DLGAP2: variants seen among roughly 807,000 people sequenced by gnomAD.
DLGAP2 encodes the protein DLG associated protein 2, also known as disks large-associated protein 2.
Under a neutral mutation model 100.3 loss-of-function variants are expected in DLGAP2, and 26 were observed. The ratio of observed to expected loss-of-function variants is 0.26; its 90% CI spans 0.19 to 0.36. DLGAP2 has a LOEUF of 0.36. Among genes scored for constraint, DLGAP2 ranks in the 10% least tolerant of loss-of-function variants. DLGAP2 has a pLI of 1.00. For missense variants in DLGAP2, 1,858 were observed against 1,453.2 expected, an observed-to-expected ratio of 1.28 and a Z score of -4.53; for synonymous variants, 886 against 630.1, an observed-to-expected ratio of 1.41 and a Z score of -6.08.
intron 3 of DLGAP2, among the ~76,000 whole-genome samples, chr8:1,352,931 T>C (rs722524): frequency 0.91 from 137,804 of 152,210 alleles, 62,484 homozygotes; most frequent in East Asian, 1. Flanking sequence ...AGCCTGCCAT[T>C]GGGGTGCTCT....
intron 1 of DLGAP2, among the ~76,000 whole-genome samples, chr8:802,178 T>A (rs55685317): frequency 2.0e-5 from 1 of 49,264 alleles, no homozygotes; most frequent in African/African-American, 9.8e-5. Flanking sequence ...TCTGTCCTCA[T>A]GGCCTGGGGA....
chr8:852,809 A>G (rs560326855), intron 1 of DLGAP2, among the ~76,000 whole-genome samples: 2 of 152,342 alleles, frequency 1.3e-5, no homozygotes, highest in Admixed American at 6.5e-5. Context: ...CTGAATGACA[A>G]CGTCCTTGAT....
At chr8:1,137,774 C>A (rs1272806780) in intron 2 of DLGAP2, 1 of 152,190 alleles carries the variant, frequency 6.6e-6, no homozygotes, top group Admixed American at 6.5e-5. Context: ...CAGTTACAAC[C>A]TGGTTCCCAG....
chr8:1,276,629 G>A (rs1799703261), intron 3 of DLGAP2, among the ~76,000 whole-genome samples: 1 of 150,380 alleles, frequency 6.6e-6, no homozygotes, highest in African/African-American at 2.4e-5. Flanking sequence ...TCTTGTGTCG[G>A]TGCTTTGACT....
At chr8:1,280,972 G>A (rs1799802775) in intron 3 of DLGAP2, among the ~76,000 whole-genome samples, 1 of 152,234 alleles carries the variant, frequency 6.6e-6, no homozygotes, top group Non-Finnish European at 1.5e-5. Flanking sequence ...CCAGCTGGAT[G>A]TGGACGAGGA....
intron 3 of DLGAP2, among the ~76,000 whole-genome samples, chr8:1,339,656 C>G (rs1266730731): frequency 1.3e-5 from 2 of 152,182 alleles, no homozygotes; most frequent in East Asian, 3.9e-4. Flanking sequence ...CCTGTGCATT[C>G]TTTTGGCCAT....
chr8:879,179 C>G (rs567588450), intron 1 of DLGAP2, among the ~76,000 whole-genome samples: 29 of 152,280 alleles, frequency 1.9e-4, no homozygotes, highest in Non-Finnish European at 2.6e-4. Context: ...TTGGGTTGGA[C>G]CAGTTTATTC....
At chr8:1,476,373 T>A (rs1008520602) in intron 3 of DLGAP2, among the ~76,000 whole-genome samples, 1 of 152,172 alleles carries the variant, frequency 6.6e-6, no homozygotes, top group African/African-American at 2.4e-5. Flanking sequence ...CATCACAAAG[T>A]AAATCTATTC....
At chr8:983,961 G>A (rs7018425) in intron 2 of DLGAP2, among the ~76,000 whole-genome samples, 14,135 of 152,146 alleles carry the variant, frequency 0.093, 746 homozygotes, top group Admixed American at 0.14. Context: ...GCTAATGCCC[G>A]GTGTGGTGCC....
chr8:1,523,775 T>C (rs953982141), intron 4 of DLGAP2, among the ~76,000 whole-genome samples: 1 of 152,186 alleles, frequency 6.6e-6, no homozygotes, highest in African/African-American at 2.4e-5. Context: ...AAAGACAAGC[T>C]CCCGAGGGCC....
intron 3 of DLGAP2, among the ~76,000 whole-genome samples, chr8:1,367,674 CT>C (rs1802138309): frequency 6.6e-6 from 1 of 152,222 alleles, no homozygotes; most frequent in African/African-American, 2.4e-5. Context: ...GGAAACTATG[CT>C]ACGTCTTAGT....
At chr8:930,948 G>A (rs62486415) in intron 2 of DLGAP2, among the ~76,000 whole-genome samples, 1 of 152,216 alleles carries the variant, frequency 6.6e-6, no homozygotes, top group Non-Finnish European at 1.5e-5. Context: ...GGGAGGCAGG[G>A]GAAGGGCAGA....
intron 3 of DLGAP2, among the ~76,000 whole-genome samples, chr8:1,296,494 A>G (rs746654468): frequency 2.6e-5 from 4 of 152,088 alleles, no homozygotes; most frequent in Non-Finnish European, 5.9e-5. Flanking sequence ...TCCAGGAAGC[A>G]GAGCCTTGGT....
chr8:1,682,857 T>TTAA (rs1345572174), intron 12 of DLGAP2, among the ~76,000 whole-genome samples: 1 of 151,632 alleles, frequency 6.6e-6, no homozygotes, highest in African/African-American at 2.4e-5. Context: ...GGGTGGAAAA[T>TTAA]TAATTTTTGC....
At chr8:919,113 T>C (rs542924148) in intron 2 of DLGAP2, among the ~76,000 whole-genome samples, 73 of 152,314 alleles carry the variant, frequency 4.8e-4, no homozygotes, top group Non-Finnish European at 9.3e-4. Flanking sequence ...GCCAAAAAGC[T>C]TTGCTCTATT....
intron 1 of DLGAP2, among the ~76,000 whole-genome samples, chr8:798,171 C>T (rs1351221605): frequency 1.3e-5 from 2 of 152,270 alleles, no homozygotes; most frequent in Non-Finnish European, 2.9e-5. Flanking sequence ...CCTGGCACTC[C>T]CCGTGGTGCT....
chr8:1,078,218 GAA>G (rs993963446), intron 2 of DLGAP2, among the ~76,000 whole-genome samples: 5 of 152,178 alleles, frequency 3.3e-5, no homozygotes, highest in African/African-American at 1.2e-4. Context: ...ACAATGGAAA[GAA>G]CAGTGGCTTG....
rs386411871 is a variant in DLGAP2, at chr8:1,491,077, C to CAAAAAAAAAAAAAAAAAAAAAAA, written c.107-10274_107-10273insAAAAAAAAAAAAAAAAAAAAAAA. Among the ~76,000 whole-genome samples the CAAAAAAAAAAAAAAAAAAAAAAA allele has an allele frequency of 7.8e-5, 5 of 64,514 alleles. 1 individual carries two copies. Among genetic ancestry groups the CAAAAAAAAAAAAAAAAAAAAAAA allele is most frequent in the Non-Finnish European group, 6.9e-5 (2 of 29,152 alleles). 42.3% of individuals were successfully genotyped at this position (64,514 alleles called of 152,430 possible). ...AAATAAATAAAAATAAACTGGAAAC[C>CAAAAAAAAAAAAAAAAAAAAAAA]AAAAAAAAAAAAAAACCCAAAAATA... On this transcript the variant is annotated intron_variant, in intron 3 of 14. Coordinates refer to ENST00000637795, the MANE Select transcript of DLGAP2 (RefSeq NM_001346810.2).
chr8:782,893 C>T (rs544080405), intron 1 of DLGAP2, among the ~76,000 whole-genome samples: 4 of 152,132 alleles, frequency 2.6e-5, no homozygotes, highest in Non-Finnish European at 5.9e-5. Flanking sequence ...AAGAACCAAC[C>T]CCCAAATCAC....
Sources: allele counts gnomAD v4.1 joint callset (sites outside exome capture counted in the v4.1 genomes callset), GRCh38; gene constraint gnomAD v4.1.1; transcripts MANE v1.5; gene names NCBI Gene and HGNC (gene_info 2026-07-23, HGNC 2026-07-21).